Variants in MALRD1 observed in about 807,000 individuals in gnomAD.
MALRD1 encodes MAM and LDL receptor class A domain containing 1.
Under a neutral mutation model 242.1 loss-of-function variants are expected in MALRD1, and 247 were observed. That is an observed-to-expected ratio of 1.02 (90% CI 0.92 to 1.13). The LOEUF is 1.13. MALRD1 is among the 50% of genes most tolerant of loss of function. MALRD1 has a pLI of 0.00. For synonymous variants in MALRD1, 995 were observed against 866.6 expected (o/e 1.15, Z -2.60); for missense variants, 2,989 against 2,533.1 (o/e 1.18, Z -3.86).
At chr10:19,106,355 A>T (rs1270576109) in intron 5 of MALRD1, among the ~76,000 whole-genome samples, 1 of 151,460 alleles carries the variant, frequency 6.6e-6, no homozygotes, top group Non-Finnish European at 1.5e-5. Flanking sequence ...ATCTGTTCAG[A>T]TTTTCTCTTT....
rs190958314 is a variant in MALRD1 at position 19,105,679 on chromosome 10, C to T, written c.694+1604C>T. 6.4e-4 allele frequency among the ~76,000 whole-genome samples: 97 copies of T among 152,080 alleles called. 4 individuals are homozygous for T. The East Asian group carries it at 0.016, about 25-fold the overall frequency. ...ATAAGTATTCCCATTTATCCACATC[C>T]GAACCAGCATTTATTAACTTTGACT... On this transcript the variant is annotated intron_variant, in intron 5 of 39. Coordinates refer to ENST00000454679, the MANE Select transcript of MALRD1 (RefSeq NM_001142308.3).
chr10:19,277,463 G>A (rs1283507702), intron 19 of MALRD1, among the ~76,000 whole-genome samples: 1 of 152,062 alleles, frequency 6.6e-6, no homozygotes, highest in African/African-American at 2.4e-5. Context: ...GGAAGGAAGA[G>A]CAACAATGGA....
At chr10:19,653,964 C>T (rs1015282830) in intron 36 of MALRD1, among the ~76,000 whole-genome samples, 1 of 152,178 alleles carries the variant, frequency 6.6e-6, no homozygotes, top group Admixed American at 6.5e-5. Flanking sequence ...CCACTAATCA[C>T]AAGCGTTAAC....
chr10:19,252,438 T>C (rs981545043), intron 18 of MALRD1, among the ~76,000 whole-genome samples: 2 of 152,064 alleles, frequency 1.3e-5, no homozygotes, highest in Middle Eastern at 3.2e-3. Flanking sequence ...CATTTTTCTT[T>C]TTTTAATCAA....
At chr10:19,489,199 G>T in intron 29 of MALRD1, 1 of 472,612 alleles carries the variant, frequency 2.1e-6, no homozygotes. Context: ...CAAAAGTGCA[G>T]GCGAAGCCGA....
At chr10:19,105,242 G>T (rs143816087) in intron 5 of MALRD1, among the ~76,000 whole-genome samples, 155 of 151,872 alleles carry the variant, frequency 1.0e-3, no homozygotes, top group African/African-American at 3.1e-3. Context: ...TGAAAATTTT[G>T]CAGATGAGTA....
intron 12 of MALRD1, among the ~76,000 whole-genome samples, chr10:19,158,963 A>G (rs565515600): frequency 6.6e-6 from 1 of 152,318 alleles, no homozygotes; most frequent in Non-Finnish European, 1.5e-5. Context: ...TTCCCTGGTC[A>G]TTGTGTTTAA....
intron 36 of MALRD1, among the ~76,000 whole-genome samples, chr10:19,673,461 G>A (rs745429623): frequency 5.9e-5 from 9 of 152,154 alleles, no homozygotes; most frequent in Non-Finnish European, 1.0e-4. Flanking sequence ...AAGAGGCAGT[G>A]TTCACTAAAT....
intron 33 of MALRD1, among the ~76,000 whole-genome samples, chr10:19,590,086 C>G (rs1589277145): frequency 6.6e-6 from 1 of 151,898 alleles, no homozygotes; most frequent in Non-Finnish European, 1.5e-5. Flanking sequence ...GACCAATGTG[C>G]TTTATCAAGA....
chr10:19,049,189 G>A (rs562410977), intron 1 of MALRD1, 52 bp downstream of exon 1: 11 of 1,219,770 alleles, frequency 9.0e-6, no homozygotes, highest in Admixed American at 4.2e-5. Flanking sequence ...AGCCTGAAAC[G>A]AGGGCCTCTG....
chr10:19,725,178 T>C (rs1227155488), intron 38 of MALRD1, among the ~76,000 whole-genome samples: 2 of 152,156 alleles, frequency 1.3e-5, no homozygotes, highest in Admixed American at 1.3e-4. Context: ...TGGCTCCATG[T>C]CCCCACCCAA....
At chr10:19,167,047 T>C (rs1015495673) in intron 13 of MALRD1, among the ~76,000 whole-genome samples, 3 of 152,146 alleles carry the variant, frequency 2.0e-5, no homozygotes, top group African/African-American at 4.8e-5. Flanking sequence ...GCCATGAACA[T>C]GGGCTCTGGA....
chr10:19,375,081 T>A (rs1174376629), intron 26 of MALRD1, among the ~76,000 whole-genome samples: 2 of 152,084 alleles, frequency 1.3e-5, no homozygotes, highest in East Asian at 1.9e-4. Context: ...AAAAGCTTTT[T>A]ATTGACCGGA....
chr10:19,096,300 A>T (rs1836030403), intron 4 of MALRD1, among the ~76,000 whole-genome samples: 1 of 152,202 alleles, frequency 6.6e-6, no homozygotes, highest in East Asian at 1.9e-4. Flanking sequence ...ATCCAGGGTG[A>T]TTCGGCTGTA....
chr10:19,703,048 T>G (rs2131850976), intron 38 of MALRD1, among the ~76,000 whole-genome samples: 1 of 152,332 alleles, frequency 6.6e-6, no homozygotes, highest in African/African-American at 2.4e-5. Context: ...GACTCTTCTT[T>G]TAGCTACTTG....
At chr10:19,708,582 G>A (rs1833971300) in intron 38 of MALRD1, among the ~76,000 whole-genome samples, 1 of 105,002 alleles carries the variant, frequency 9.5e-6, no homozygotes, top group African/African-American at 3.1e-5. Flanking sequence ...CTGGGCTCAA[G>A]TGATTCTCCT....
intron 14 of MALRD1, among the ~76,000 whole-genome samples, chr10:19,196,953 T>C (rs1445445430): frequency 1.3e-5 from 2 of 152,194 alleles, no homozygotes; most frequent in East Asian, 1.9e-4. Flanking sequence ...GTTTTCACAC[T>C]GCTCTAAAGA....
intron 28 of MALRD1, among the ~76,000 whole-genome samples, chr10:19,414,948 T>C (rs182495512): frequency 6.6e-6 from 1 of 152,332 alleles, no homozygotes; most frequent in South Asian, 2.1e-4. Context: ...GATCTTATTT[T>C]CCATAAAATC....
intron 21 of MALRD1, among the ~76,000 whole-genome samples, chr10:19,289,079 A>AT (rs1841282789): frequency 4.6e-5 from 7 of 151,216 alleles, no homozygotes; most frequent in Middle Eastern, 3.4e-3. Flanking sequence ...TTTTTCTTTA[A>AT]TTTTTTTCCT....
Sources: gnomAD v4.1 joint callset for allele counts (sites outside exome capture counted in the v4.1 genomes callset) on GRCh38, gnomAD v4.1.1 for gene constraint, MANE v1.5 for transcripts, NCBI Gene and HGNC (gene_info 2026-07-23, HGNC 2026-07-21) for gene names.